ACO1: variants seen among roughly 807,000 people sequenced by gnomAD.
The protein encoded by ACO1 is aconitase 1.
Under a neutral mutation model 105.1 loss-of-function variants are expected in ACO1, and 78 were observed. The observed-to-expected ratio is 0.74, with a 90% confidence interval of 0.62 to 0.90. The LOEUF (loss-of-function observed/expected upper bound fraction) is 0.90, where lower values mean the gene tolerates loss of function less well. Ranked by LOEUF, ACO1 falls within the 40% of genes least tolerant of loss-of-function variation. The pLI is 0.00. For missense variants in ACO1, 965 were observed against 1,111.1 expected (o/e 0.87, Z 1.87); for synonymous variants, 364 against 397.4 (o/e 0.92, Z 1.00).
At chr9:32,401,980 G>A (rs10117433) in intron 1 of ACO1, among the ~76,000 whole-genome samples, 19,634 of 152,246 alleles carry the variant, frequency 0.13, 1,340 homozygotes, top group Non-Finnish European at 0.14. Flanking sequence ...CTTTCAGAAT[G>A]TGAACTACAT....
At chr9:32,448,573 G>A (rs56341315) in intron 19 of ACO1, among the ~76,000 whole-genome samples, 6,748 of 152,248 alleles carry the variant, frequency 0.044, 475 homozygotes, top group African/African-American at 0.15. Flanking sequence ...GTTCCTCCTG[G>A]TACAGTCTCT....
At chr9:32,399,196 G>A (rs987616736) in intron 1 of ACO1, among the ~76,000 whole-genome samples, 3 of 152,162 alleles carry the variant, frequency 2.0e-5, no homozygotes, top group East Asian at 1.9e-4. Context: ...CAGAGCTGAG[G>A]CATCCACATT....
intron 16 of ACO1, 118 bp from the exon 17 acceptor site, chr9:32,434,441 G>T: frequency 8.6e-7 from 1 of 1,163,686 alleles, no homozygotes; most frequent in Non-Finnish European, 1.2e-6. Context: ...AGAATTTTCT[G>T]TGCATTGGTG....
In ACO1 at chr9:32,444,562, TC is replaced by T. The variant is rs1435720172; in HGVS notation, c.2370+3976del. Among the ~76,000 whole-genome samples, 402 of 152,344 alleles carry T rather than the reference TC, an allele frequency of 2.6e-3. 16 individuals are homozygous for T. In the East Asian group the frequency reaches 0.063, roughly 24 times the overall value. On this transcript the variant is annotated intron_variant, in intron 19 of 20. Coordinates refer to ENST00000309951, the MANE Select transcript of ACO1 (RefSeq NM_002197.3). ...TCTCATTGTGGTTTTGATTTGCATT[TC>T]TCTAATGACCAGTGAGGATGAGCAT...
At chr9:32,449,680 A>G (rs1307935324) in intron 20 of ACO1, among the ~76,000 whole-genome samples, 1 of 152,176 alleles carries the variant, frequency 6.6e-6, no homozygotes, top group Non-Finnish European at 1.5e-5. Flanking sequence ...GAGGTTTAGA[A>G]AATACCACCC....
At position 32,424,678 on chromosome 9, in the gene ACO1, G is replaced by A. The variant is rs571429620; in HGVS notation, c.1188+13G>A. 72 of 1,583,236 alleles carry A rather than the reference G, an allele frequency of 4.5e-5. No homozygotes were observed. Among genetic ancestry groups the A allele is most frequent in the South Asian group, 1.8e-4 (16 of 90,022 alleles). ...CCTTGGAGCCAAGGTAGGGGCCTGC[G>A]GGAAGAGGTTGAATCCTCTCAACTC... is the stretch of plus-strand genomic sequence containing the variant. On this transcript the variant is annotated intron_variant, in intron 10 of 20. Coordinates refer to ENST00000309951, the MANE Select transcript of ACO1 (RefSeq NM_002197.3).
rs754386739 is a variant in ACO1, at chr9:32,450,245, C to T, written c.*134C>T. ...GATGGAGCAAGTGAGCACTGAGGGT[C>T]TGGTGCCAATCCTGTAGGCACAAAA... is the stretch of plus-strand genomic sequence containing the variant. On this transcript the variant is annotated 3_prime_UTR_variant, in exon 21 of 21. Transcript: ENST00000309951. 1 of 769,678 alleles carries T rather than the reference C, an allele frequency of 1.3e-6. No homozygotes were observed. The allele number at this position is 769,678 out of a possible 1,614,324, so 47.7% of individuals were successfully genotyped here.
intron 18 of ACO1, among the ~76,000 whole-genome samples, chr9:32,438,208 G>A (rs989284891): frequency 3.3e-5 from 5 of 151,744 alleles, no homozygotes; most frequent in South Asian, 2.1e-4. Flanking sequence ...TGAGGAAAAT[G>A]ATTTGCATCC....
At chr9:32,427,525 T>TA in intron 12 of ACO1, 89 bp downstream of exon 12, 1 of 1,522,072 alleles carries the variant, frequency 6.6e-7, no homozygotes, top group Non-Finnish European at 9.1e-7. Flanking sequence ...AGATGTGAGA[T>TA]TATCTGATGA....
chr9:32,432,489 A>T (rs1317291670), intron 15 of ACO1, among the ~76,000 whole-genome samples: 1 of 151,990 alleles, frequency 6.6e-6, no homozygotes, highest in Non-Finnish European at 1.5e-5. Flanking sequence ...CACACGCTGC[A>T]CTCTTCACAA....
intron 19 of ACO1, chr9:32,445,540 T>C (rs1247429886): frequency 7.7e-6 from 2 of 260,032 alleles, no homozygotes; most frequent in South Asian, 3.4e-5. Flanking sequence ...TCTGTTTTGT[T>C]GATCTTTTCA....
At chr9:32,430,330 T>C (rs1013391535) in intron 13 of ACO1, 88 bp from the exon 14 acceptor site, 2 of 1,360,400 alleles carry the variant, frequency 1.5e-6, no homozygotes, top group Non-Finnish European at 1.0e-6. Context: ...ACTGTATCCT[T>C]GCGATGTGGA....
At chr9:32,436,088 T>G in intron 17 of ACO1, 162 bp from the exon 18 acceptor site, 1 of 913,900 alleles carries the variant, frequency 1.1e-6, no homozygotes. Context: ...CGTTGAAGCT[T>G]TGGGGACAGC....
Position 32,450,287 on chromosome 9 carries a change from TC to T in ACO1, c.*177del, listed in dbSNP as rs1384196044. 1.4e-6 allele frequency: 1 copy of T among 703,892 alleles called. No homozygotes were observed. Among genetic ancestry groups the T allele is most frequent in the Admixed American group, 2.1e-5 (1 of 47,598 alleles). The allele number at this position is 703,892 out of a possible 1,614,324, so 43.6% of individuals were successfully genotyped here. A position where few individuals can be genotyped will look rare whatever the true frequency, so the allele number is the denominator to read the frequency against. On this transcript the variant is annotated 3_prime_UTR_variant, in exon 21 of 21. Transcript: ENST00000309951. ...GGCACAAAACCAGAAGTTTCTACAT[TC>T]TCTATTTTTGTTAATCATCTTCTCT...
Position 32,427,388 on chromosome 9 carries a change from C to T in ACO1, c.1436C>T (p.Thr479Ile), listed in dbSNP as rs905704396. The T allele has an allele frequency of 2.1e-5, 34 of 1,614,092 alleles. No homozygotes were observed. Among genetic ancestry groups the T allele is most frequent in the Non-Finnish European group, 2.6e-5 (31 of 1,180,042 alleles). The part of the protein sequence containing the change: ...TSLSPGSGVV[T>I]YYLQESGVMP... ...CTGTCTCCTGGGAGTGGCGTGGTCA[C>T]CTACTACCTACAAGAAAGCGGAGTC... is the stretch of plus-strand genomic sequence containing the variant. The change falls in exon 12 of 21, where the codon ACC becomes ATC. Residue 479 changes from threonine (T) to isoleucine (I), a missense_variant. Transcript: ENST00000309951.
chr9:32,389,943 G>A (rs555400739), intron 1 of ACO1, among the ~76,000 whole-genome samples: 11 of 152,014 alleles, frequency 7.2e-5, no homozygotes, highest in East Asian at 1.9e-4. Flanking sequence ...AATTACAGGC[G>A]TGCGCCACCA....
Position 32,419,153 on chromosome 9 carries a change from T to C in ACO1, c.774T>C (p.Thr258=), listed in dbSNP as rs376761658. 10 of 1,602,300 alleles carry C rather than the reference T, an allele frequency of 6.2e-6. 1 individual carries two copies. In the South Asian group the frequency reaches 1.1e-4, roughly 18 times the overall value. Residue 258 remains threonine (T), a synonymous_variant, in exon 7 of 21, where the codon ACT becomes ACC. Transcript: ENST00000309951. ...MGKPHPLVTS[T]DIVLTITKHL... Reference sequence around the variant, plus strand: ...AGCCCCACCCTCTGGTAACATCCACTGACATCGTGCTCACCATTACCAAGG... The same window carrying C: ...AGCCCCACCCTCTGGTAACATCCACCGACATCGTGCTCACCATTACCAAGG...
At chr9:32,444,034 T>A (rs939894404) in intron 19 of ACO1, among the ~76,000 whole-genome samples, 1 of 144,862 alleles carries the variant, frequency 6.9e-6, no homozygotes. Flanking sequence ...TGGGTTCTCA[T>A]TGTTCAACTC....
Position 32,450,478 on chromosome 9 carries a change from C to T in ACO1, c.*367C>T, listed in dbSNP as rs1169586355. ...ACCTTCTCAGGAGGTGTCTCCTACC[C>T]TCTTATTGTTCCTCTTACGCTCTGC... On this transcript the variant is annotated 3_prime_UTR_variant, in exon 21 of 21. Transcript: ENST00000309951. 2.0e-5 allele frequency: 7 copies of T among 346,168 alleles called. No individual in the cohort carries two copies. Among genetic ancestry groups the T allele is most frequent in the Non-Finnish European group, 3.4e-5 (6 of 178,128 alleles). 21.4% of individuals were successfully genotyped at this position (346,168 alleles called of 1,614,324 possible).
Sources: gnomAD v4.1 joint callset for allele counts (sites outside exome capture counted in the v4.1 genomes callset) on GRCh38, gnomAD v4.1.1 for gene constraint, MANE v1.5 for transcripts, NCBI Gene and HGNC (gene_info 2026-07-23, HGNC 2026-07-21) for gene names.